Variants in LRFN2 observed in about 807,000 individuals in gnomAD.
LRFN2 encodes leucine rich repeat and fibronectin type III domain containing 2.
A neutral mutation model predicts 37.3 loss-of-function variants in LRFN2; 18 were observed. The observed-to-expected ratio is 0.48, with a 90% CI of 0.33 to 0.72. LRFN2 has a LOEUF of 0.72. Among genes scored for constraint, LRFN2 ranks in the 30% least tolerant of loss-of-function variants. The pLI is 0.02. For missense variants in LRFN2, 1,006 were observed against 1,060.7 expected (o/e 0.95, Z 0.72); for synonymous variants, 556 against 466.6 (o/e 1.19, Z -2.47).
intron 1 of LRFN2, among the ~76,000 whole-genome samples, chr6:40,540,419 A>G (rs1766531924): frequency 6.6e-6 from 1 of 152,050 alleles, no homozygotes; most frequent in Non-Finnish European, 1.5e-5. Context: ...TCTTCCTTTG[A>G]GGCCCCAAGC....
At chr6:40,465,752 C>T (rs960613249) in intron 1 of LRFN2, among the ~76,000 whole-genome samples, 3 of 151,994 alleles carry the variant, frequency 2.0e-5, no homozygotes, top group Admixed American at 2.0e-4. Flanking sequence ...TGGAGAGATA[C>T]CCCACAATAC....
At chr6:40,486,982 G>C (rs1473004872) in intron 1 of LRFN2, among the ~76,000 whole-genome samples, 1 of 152,182 alleles carries the variant, frequency 6.6e-6, no homozygotes, top group African/African-American at 2.4e-5. Context: ...GATGCAGAGT[G>C]AGGAAATGTG....
intron 1 of LRFN2, among the ~76,000 whole-genome samples, chr6:40,470,814 T>C (rs1764577737): frequency 6.6e-6 from 1 of 152,180 alleles, no homozygotes; most frequent in African/African-American, 2.4e-5. Context: ...CTGCTGGGCC[T>C]GGACCCACCT....
At chr6:40,480,498 G>T (rs1357983796) in intron 1 of LRFN2, among the ~76,000 whole-genome samples, 5 of 152,020 alleles carry the variant, frequency 3.3e-5, no homozygotes, top group South Asian at 2.1e-4. Flanking sequence ...GGCTGGTCAC[G>T]ACCTCCTGGG....
chr6:40,392,160 G>A lies in LRFN2; in HGVS notation c.2153C>T (p.Ala718Val). The A allele has an allele frequency of 3.1e-6, 5 of 1,604,522 alleles. 1 individual carries two copies. The highest frequency in any genetic ancestry group is 2.6e-6 in the Non-Finnish European group (3 of 1,174,968). The change falls in exon 3 of 3, where the codon GCC (alanine) becomes GTC (valine). Residue 718 changes from alanine (A) to valine (V), a missense_variant. By Grantham distance (64) the Ala-to-Val change is moderately conservative. Around this residue, in one of 4 missense-constraint regions of LRFN2, gnomAD observed 398 missense variants for 327.6 expected, o/e 1.21. Transcript: ENST00000338305. The surrounding 1 kb of genome is among the most constrained non-coding windows in gnomAD (Gnocchi z 4.7). ...CATGTCGAAGGAGTGGCTGCGTTTG[G>A]CCTTGCCCTCCAACGGCAAGGGGAG... ...SLLPLPLEGK[A>V]KRSHSFDMGD...
intron 1 of LRFN2, among the ~76,000 whole-genome samples, chr6:40,456,187 G>A (rs896591424): frequency 6.6e-6 from 1 of 152,214 alleles, no homozygotes; most frequent in Non-Finnish European, 1.5e-5. Context: ...TCAGCTGTGT[G>A]AGACCCTGAG....
At chr6:40,458,488 T>G (rs1362797887) in intron 1 of LRFN2, among the ~76,000 whole-genome samples, 1 of 152,318 alleles carries the variant, frequency 6.6e-6, no homozygotes, top group Admixed American at 6.5e-5. Context: ...TTGGTTTCTA[T>G]ATCCTGGCTA....
chr6:40,402,698 C>G (rs572631851), intron 2 of LRFN2, among the ~76,000 whole-genome samples: 3 of 152,312 alleles, frequency 2.0e-5, no homozygotes, highest in African/African-American at 7.2e-5. Flanking sequence ...GAACCCAGCA[C>G]TTTCACATTT....
At chr6:40,559,788 C>T (rs1237331600) in intron 1 of LRFN2, among the ~76,000 whole-genome samples, 1 of 152,118 alleles carries the variant, frequency 6.6e-6, no homozygotes, top group Non-Finnish European at 1.5e-5. Context: ...TTTCATCCGC[C>T]CCCTCTGACT....
At chr6:40,498,330 A>G (rs1179716655) in intron 1 of LRFN2, among the ~76,000 whole-genome samples, 2 of 152,182 alleles carry the variant, frequency 1.3e-5, no homozygotes, top group Non-Finnish European at 2.9e-5. Context: ...AGCTGCATTC[A>G]TGGCTGAAGG....
At chr6:40,514,112 G>C (rs1206816388) in intron 1 of LRFN2, among the ~76,000 whole-genome samples, 2 of 152,190 alleles carry the variant, frequency 1.3e-5, no homozygotes, top group African/African-American at 2.4e-5. Context: ...GATCCAGTGA[G>C]AGGCAGGTAT....
At chr6:40,431,623 G>C in intron 2 of LRFN2, 91 bp downstream of exon 2, 1 of 1,144,842 alleles carries the variant, frequency 8.7e-7, no homozygotes, top group Non-Finnish European at 1.2e-6. Flanking sequence ...GGGAAGAGGG[G>C]TATAGGTGGG....
chr6:40,518,843 G>A (rs950462158), intron 1 of LRFN2, among the ~76,000 whole-genome samples: 1 of 152,196 alleles, frequency 6.6e-6, no homozygotes, highest in Non-Finnish European at 1.5e-5. Flanking sequence ...CCCAAGAGAA[G>A]TGATGCTTGA....
chr6:40,493,522 C>T (rs1363817535), intron 1 of LRFN2, among the ~76,000 whole-genome samples: 3 of 152,142 alleles, frequency 2.0e-5, no homozygotes, highest in Non-Finnish European at 2.9e-5. Flanking sequence ...TGGACATGCT[C>T]GCCCATACAG....
chr6:40,420,672 G>A (rs1000943493), intron 2 of LRFN2, among the ~76,000 whole-genome samples: 2 of 152,230 alleles, frequency 1.3e-5, no homozygotes, highest in South Asian at 4.1e-4. Context: ...AGCAACATGC[G>A]TGAACAGACA....
intron 1 of LRFN2, among the ~76,000 whole-genome samples, chr6:40,552,033 A>G (rs1766786305): frequency 6.6e-6 from 1 of 152,158 alleles, no homozygotes; most frequent in Admixed American, 6.5e-5. Context: ...TACAAGTTAT[A>G]CAAGGTGAGA....
chr6:40,461,073 T>A (rs747799857), intron 1 of LRFN2, among the ~76,000 whole-genome samples: 20 of 152,144 alleles, frequency 1.3e-4, no homozygotes, highest in Non-Finnish European at 2.8e-4. Context: ...ATACCAAGCA[T>A]CTGGAAACAG....
At chr6:40,576,413 T>C (rs75688475) in intron 1 of LRFN2, among the ~76,000 whole-genome samples, 12,709 of 152,158 alleles carry the variant, frequency 0.084, 723 homozygotes, top group Non-Finnish European at 0.11. Flanking sequence ...AGCGAATCAA[T>C]GTTGTACTGT....
In LRFN2 at chr6:40,432,420, C is replaced by T; in HGVS notation, c.694G>A (p.Ala232Thr). The T allele has an allele frequency of 6.2e-7, 1 of 1,614,136 alleles. No individual in the cohort carries two copies. Among genetic ancestry groups the T allele is most frequent in the East Asian group, 2.2e-5 (1 of 44,862 alleles). ...CCAAAACTAAAGGACAAGGGTGGGG[C>T]AAAGGGTGTGGCTGTCAAAGCCGAA... ...QASALTATPF[A>T]PPLSFSFGGN... Residue 232 changes from alanine to threonine, a missense_variant, in exon 2 of 3, where the codon GCC becomes ACC. By Grantham distance (58) the Ala-to-Thr change is moderately conservative. Around this residue, in one of 4 missense-constraint regions of LRFN2, gnomAD observed 303 missense variants for 299.8 expected, o/e 1.01. Coordinates refer to ENST00000338305, the MANE Select transcript of LRFN2 (RefSeq NM_020737.3).
Sources: allele counts gnomAD v4.1 joint callset (sites outside exome capture counted in the v4.1 genomes callset), GRCh38; gene constraint gnomAD v4.1.1; regional missense constraint gnomAD v4.1.1; non-coding constraint Gnocchi (gnomAD v3.1); transcripts MANE v1.5; gene names NCBI Gene and HGNC (gene_info 2026-07-23, HGNC 2026-07-21).